LRP1B: variants seen among roughly 807,000 people sequenced by gnomAD.
The protein encoded by LRP1B is LDL receptor related protein 1B.
A neutral mutation model predicts 556.6 loss-of-function variants in LRP1B; 217 were observed. The observed-to-expected ratio is 0.39, with a 90% CI of 0.35 to 0.44. The LOEUF is 0.44. LRP1B is among the 20% of genes least tolerant of loss of function. The pLI is 1.00. For missense variants in LRP1B, 5,053 were observed against 5,620.8 expected, an observed-to-expected ratio of 0.90 and a Z score of 3.23; for synonymous variants, 2,047 against 1,865.8, an observed-to-expected ratio of 1.10 and a Z score of -2.50.
chr2:141,822,073 T>G (rs1201530811), intron 1 of LRP1B, among the ~76,000 whole-genome samples: 1 of 144,582 alleles, frequency 6.9e-6, no homozygotes, highest in African/African-American at 2.6e-5. Flanking sequence ...TTGGAACTGC[T>G]TCTTCACCAA....
intron 7 of LRP1B, among the ~76,000 whole-genome samples, chr2:141,112,144 G>A (rs1196302037): frequency 6.6e-6 from 1 of 151,804 alleles, no homozygotes; most frequent in East Asian, 1.9e-4. Flanking sequence ...AATTTTTCCT[G>A]GTCATGAGAC....
intron 6 of LRP1B, among the ~76,000 whole-genome samples, chr2:141,217,800 C>A (rs892180201): frequency 6.6e-6 from 1 of 152,076 alleles, no homozygotes; most frequent in Non-Finnish European, 1.5e-5. Context: ...AGACAACTTA[C>A]AGAGTGGGAG....
chr2:140,365,044 G>T (rs1451973737), intron 71 of LRP1B, among the ~76,000 whole-genome samples: 1 of 151,336 alleles, frequency 6.6e-6, no homozygotes, highest in African/African-American at 2.4e-5. Flanking sequence ...TTAGAAGAAA[G>T]TTTTTAAGAA....
chr2:141,715,604 C>T lies in LRP1B; in HGVS notation c.205+94675G>A, dbSNP rs993814828. The stretch of plus-strand genomic sequence containing the variant: ...CTGAGGCAGCCGGATCACCTGAGGC[C>T]AGGAGTTTGAGACCAGCCTGACCAA... On this transcript the variant is annotated intron_variant, in intron 2 of 90. Transcript: ENST00000389484. Among the ~76,000 whole-genome samples, 5 of 152,080 alleles carry T rather than the reference C, an allele frequency of 3.3e-5. No individual in the cohort carries two copies. In the East Asian group the frequency reaches 9.7e-4, roughly 29 times the overall value.
In LRP1B at chr2:140,621,525, C is replaced by T. The variant is rs184369939; in HGVS notation, c.6800-19886G>A. Among the ~76,000 whole-genome samples the T allele has an allele frequency of 4.1e-3, 625 of 151,936 alleles. 1 individual carries two copies. The highest frequency in any genetic ancestry group is 0.01 in the Middle Eastern group (3 of 292). On this transcript the variant is annotated intron_variant, in intron 41 of 90. Transcript: ENST00000389484. The stretch of plus-strand genomic sequence containing the variant: ...AATGAAACACTAAAGGTGTTAGATG[C>T]CTACCATCTTGATTAAATTTATTCT...
intron 43 of LRP1B, among the ~76,000 whole-genome samples, chr2:140,552,328 T>C (rs1432488936): frequency 6.6e-6 from 1 of 152,118 alleles, no homozygotes; most frequent in Non-Finnish European, 1.5e-5. Flanking sequence ...AATGACAGTT[T>C]TTCAATGTTA....
intron 7 of LRP1B, among the ~76,000 whole-genome samples, chr2:141,085,947 A>G (rs906299334): frequency 2.6e-5 from 4 of 152,116 alleles, no homozygotes; most frequent in Non-Finnish European, 5.9e-5. Context: ...AGGATATAGA[A>G]TTGTCTTTTT....
chr2:140,523,640 CA>C (rs1003122800), intron 49 of LRP1B, among the ~76,000 whole-genome samples: 1 of 151,660 alleles, frequency 6.6e-6, no homozygotes, highest in African/African-American at 2.4e-5. Context: ...AAAGACTCTG[CA>C]AAAAAGGCCC....
At chr2:140,870,773 C>T (rs1408234836) in intron 25 of LRP1B, among the ~76,000 whole-genome samples, 1 of 151,882 alleles carries the variant, frequency 6.6e-6, no homozygotes, top group Non-Finnish European at 1.5e-5. Context: ...TTGAAAATAG[C>T]AATTTGCTAA....
chr2:141,188,487 A>C lies in LRP1B; in HGVS notation c.947T>G (p.Val316Gly). 4 of 1,612,752 alleles carry C rather than the reference A, an allele frequency of 2.5e-6. No individual in the cohort carries two copies. The highest frequency in any genetic ancestry group is 3.4e-6 in the Non-Finnish European group (4 of 1,179,198). Residue 316 changes from valine (V) to glycine (G), a missense_variant, in exon 7 of 91, where the codon GTA becomes GGA. Val to Gly is a moderately radical substitution (Grantham distance 109, BLOSUM62 -3). Transcript: ENST00000389484. ...RIFVCNSNGS[V>G]CVTLIDLELH... ...CTCCAGATCAATCAGGGTGACACAT[A>C]CAGAACCGTTGGAATTACAAACAAA...
At chr2:140,927,006 T>A (rs1694905890) in intron 20 of LRP1B, among the ~76,000 whole-genome samples, 2 of 152,090 alleles carry the variant, frequency 1.3e-5, no homozygotes, top group Admixed American at 1.3e-4. Context: ...CTCCTTTTGA[T>A]TAAAAAATAA....
intron 82 of LRP1B, among the ~76,000 whole-genome samples, chr2:140,317,533 G>T (rs1178515162): frequency 6.6e-6 from 1 of 152,126 alleles, no homozygotes; most frequent in Non-Finnish European, 1.5e-5. Context: ...AATTGAAGAT[G>T]CCCTTGCAAA....
intron 83 of LRP1B, among the ~76,000 whole-genome samples, chr2:140,305,827 A>G (rs1205838890): frequency 6.6e-6 from 1 of 152,032 alleles, no homozygotes; most frequent in East Asian, 1.9e-4. Context: ...GATATGTCCC[A>G]TCAATACCTA....
intron 1 of LRP1B, among the ~76,000 whole-genome samples, chr2:142,026,668 C>T (rs1703516305): frequency 1.3e-5 from 2 of 152,064 alleles, no homozygotes; most frequent in South Asian, 4.2e-4. Context: ...GTCTGTGAGG[C>T]AGTAAAGATG....
chr2:141,346,348 AGGGGGT>A (rs1688258746), intron 3 of LRP1B, among the ~76,000 whole-genome samples: 1 of 152,080 alleles, frequency 6.6e-6, no homozygotes, highest in Non-Finnish European at 1.5e-5. Flanking sequence ...GATCTTTACA[AGGGGGT>A]GATCTGACTG....
intron 7 of LRP1B, among the ~76,000 whole-genome samples, chr2:141,129,066 C>A (rs1198877177): frequency 6.6e-6 from 1 of 151,882 alleles, no homozygotes; most frequent in African/African-American, 2.4e-5. Context: ...CCTAATATAC[C>A]ATTAAAGTAA....
intron 3 of LRP1B, among the ~76,000 whole-genome samples, chr2:141,255,889 T>C (rs556231234): frequency 2.6e-5 from 4 of 152,088 alleles, no homozygotes; most frequent in Admixed American, 2.0e-4. Flanking sequence ...TGCTACACTT[T>C]ATGTTCATAG....
At chr2:141,587,227 A>G (rs1161247448) in intron 2 of LRP1B, among the ~76,000 whole-genome samples, 1 of 152,188 alleles carries the variant, frequency 6.6e-6, no homozygotes, top group Non-Finnish European at 1.5e-5. Context: ...CCCTTTCTCT[A>G]TATCTACCAG....
At chr2:141,060,014 G>T (rs897432246) in intron 8 of LRP1B, among the ~76,000 whole-genome samples, 1 of 151,746 alleles carries the variant, frequency 6.6e-6, no homozygotes, top group Non-Finnish European at 1.5e-5. Flanking sequence ...TTAATACACA[G>T]ATTTGCAGTT....
Sources: gnomAD v4.1 joint callset for allele counts (sites outside exome capture counted in the v4.1 genomes callset) on GRCh38, gnomAD v4.1.1 for gene constraint, MANE v1.5 for transcripts, NCBI Gene and HGNC (gene_info 2026-07-23, HGNC 2026-07-21) for gene names.